GRIK2: variants seen among roughly 807,000 people sequenced by gnomAD.
GRIK2 encodes glutamate receptor ionotropic, kainate 2.
Under a neutral mutation model 100.3 loss-of-function variants are expected in GRIK2, and 32 were observed. That is an observed-to-expected ratio of 0.32 (90% CI 0.24 to 0.43). The LOEUF (loss-of-function observed/expected upper bound fraction) is 0.43, where lower values mean the gene tolerates loss of function less well. GRIK2 is among the 20% of genes least tolerant of loss of function. The pLI is 1.00. For synonymous variants in GRIK2, 417 were observed against 389.4 expected, an observed-to-expected ratio of 1.07 and a Z score of -0.83; for missense variants, 843 against 1,114.9, an observed-to-expected ratio of 0.76 and a Z score of 3.47.
chr6:101,811,111 A>G (rs952537585), intron 9 of GRIK2, among the ~76,000 whole-genome samples: 1 of 152,080 alleles, frequency 6.6e-6, no homozygotes, highest in Non-Finnish European at 1.5e-5. Context: ...AAGGAAAACT[A>G]TACTTTGTAG....
intron 7 of GRIK2, among the ~76,000 whole-genome samples, chr6:101,735,825 T>G (rs1775595633): frequency 6.6e-6 from 1 of 152,124 alleles, no homozygotes; most frequent in Middle Eastern, 3.2e-3. Flanking sequence ...TCCCTCAAAG[T>G]CTTAACTCAT....
intron 16 of GRIK2, among the ~76,000 whole-genome samples, chr6:102,065,282 A>G (rs1023215781): frequency 3.3e-5 from 5 of 151,264 alleles, no homozygotes; most frequent in African/African-American, 1.2e-4. Flanking sequence ...AGATAATACT[A>G]TTCTGGTAAT....
At chr6:101,800,703 G>A (rs747412560) in intron 8 of GRIK2, among the ~76,000 whole-genome samples, 8 of 151,802 alleles carry the variant, frequency 5.3e-5, no homozygotes, top group East Asian at 1.9e-4. Flanking sequence ...TAATAGTTTC[G>A]AAGAATATGC....
chr6:101,795,157 A>G (rs954379239), intron 7 of GRIK2, among the ~76,000 whole-genome samples: 14 of 152,088 alleles, frequency 9.2e-5, no homozygotes, highest in African/African-American at 3.1e-4. Flanking sequence ...GTGAGCCACC[A>G]TACCCGGCCA....
At chr6:101,952,888 AC>A (rs1791691048) in intron 14 of GRIK2, among the ~76,000 whole-genome samples, 1 of 152,144 alleles carries the variant, frequency 6.6e-6, no homozygotes, top group Admixed American at 6.5e-5. Flanking sequence ...AATTTTTAAA[AC>A]TTTTTCAACA....
At chr6:101,462,415 T>C (rs1481072818) in intron 2 of GRIK2, among the ~76,000 whole-genome samples, 1 of 152,164 alleles carries the variant, frequency 6.6e-6, no homozygotes, top group Non-Finnish European at 1.5e-5. Context: ...GTCCCTTTGG[T>C]TTTGGAGAAA....
chr6:102,006,390 A>ATATATTT (rs1315524835), intron 14 of GRIK2, among the ~76,000 whole-genome samples: 45 of 114,094 alleles, frequency 3.9e-4, no homozygotes, highest in African/African-American at 8.7e-4. Flanking sequence ...ATATATATAT[A>ATATATTT]TTTTTTTTTT....
intron 2 of GRIK2, among the ~76,000 whole-genome samples, chr6:101,616,869 C>T (rs663595): frequency 0.034 from 5,123 of 151,444 alleles, 258 homozygotes; most frequent in African/African-American, 0.11. Context: ...TTACATTTAG[C>T]GGTTATTTGC....
chr6:101,640,159 C>G (rs1211675643), intron 4 of GRIK2, among the ~76,000 whole-genome samples: 1 of 152,102 alleles, frequency 6.6e-6, no homozygotes, highest in Non-Finnish European at 1.5e-5. Flanking sequence ...AATATCTGGG[C>G]TACTGTTAAA....
intron 7 of GRIK2, among the ~76,000 whole-genome samples, chr6:101,753,314 G>T (rs1057041231): frequency 6.7e-6 from 1 of 148,420 alleles, no homozygotes; most frequent in Non-Finnish European, 1.5e-5. Context: ...AAAATAACAC[G>T]ATCACCATGT....
At chr6:101,397,598 A>G (rs1775062446) in intron 1 of GRIK2, among the ~76,000 whole-genome samples, 2 of 152,246 alleles carry the variant, frequency 1.3e-5, no homozygotes, top group Non-Finnish European at 2.9e-5. Flanking sequence ...TCTTTAAATT[A>G]GCACTTTATA....
intron 2 of GRIK2, among the ~76,000 whole-genome samples, chr6:101,502,297 A>C (rs1031078314): frequency 1.4e-4 from 22 of 152,168 alleles, no homozygotes; most frequent in African/African-American, 4.1e-4. Context: ...TATGCTACAG[A>C]AATGCATTGG....
intron 1 of GRIK2, among the ~76,000 whole-genome samples, chr6:101,397,277 T>C (rs1000432297): frequency 1.3e-5 from 2 of 152,206 alleles, no homozygotes; most frequent in African/African-American, 4.8e-5. Flanking sequence ...TTATTATCTC[T>C]GCTAGGATCA....
At chr6:102,054,240 A>G (rs1362192212) in intron 15 of GRIK2, among the ~76,000 whole-genome samples, 1 of 152,176 alleles carries the variant, frequency 6.6e-6, no homozygotes, top group Non-Finnish European at 1.5e-5. Context: ...TCGTCTTTCT[A>G]CTTTTACATT....
At chr6:101,680,824 AT>A (rs1445440911) in intron 5 of GRIK2, among the ~76,000 whole-genome samples, 1 of 152,152 alleles carries the variant, frequency 6.6e-6, no homozygotes, top group Non-Finnish European at 1.5e-5. Flanking sequence ...AATAAGGGAA[AT>A]TCTGTCTTAT....
At chr6:102,048,404 T>C (rs186119383) in intron 15 of GRIK2, among the ~76,000 whole-genome samples, 1 of 151,780 alleles carries the variant, frequency 6.6e-6, no homozygotes, top group East Asian at 2.0e-4. Flanking sequence ...GGAAAAAAAA[T>C]AATAGTGCGA....
chr6:101,632,392 G>A (rs1355554421), intron 4 of GRIK2, among the ~76,000 whole-genome samples: 2 of 152,088 alleles, frequency 1.3e-5, no homozygotes, highest in Non-Finnish European at 2.9e-5. Context: ...GGTTGTGGAA[G>A]TACCTTAATA....
chr6:101,818,339 C>T (rs1286919392), intron 9 of GRIK2, 31 bp from the exon 10 acceptor site: 1 of 1,245,100 alleles, frequency 8.0e-7, no homozygotes. Context: ...GCCTGATGGA[C>T]AATTTACAAA....
At chr6:101,417,049 T>G (rs1318723672) in intron 2 of GRIK2, among the ~76,000 whole-genome samples, 2 of 152,202 alleles carry the variant, frequency 1.3e-5, no homozygotes, top group South Asian at 4.1e-4. Context: ...GCGGTTTAAT[T>G]GACTCACAGT....
Sources: gnomAD v4.1 joint callset for allele counts (sites outside exome capture counted in the v4.1 genomes callset) on GRCh38, gnomAD v4.1.1 for gene constraint, MANE v1.5 for transcripts, NCBI Gene and HGNC (gene_info 2026-07-23, HGNC 2026-07-21) for gene names.